CRYBG3: variants seen among roughly 807,000 people sequenced by gnomAD.
CRYBG3 encodes the protein crystallin beta-gamma domain containing 3.
A neutral mutation model predicts 244.2 loss-of-function variants in CRYBG3; 127 were observed. The observed-to-expected ratio is 0.52, with a 90% CI of 0.45 to 0.60. The LOEUF (loss-of-function observed/expected upper bound fraction) is 0.60, where lower values mean the gene tolerates loss of function less well. Ranked by LOEUF, CRYBG3 falls within the 20% of genes least tolerant of loss-of-function variation. CRYBG3 has a pLI of 0.00. For synonymous variants in CRYBG3, 1,132 were observed against 1,195.8 expected, an observed-to-expected ratio of 0.95 and a Z score of 1.10; for missense variants, 3,325 against 3,442.5, an observed-to-expected ratio of 0.97 and a Z score of 0.85.
At chr3:97,840,061 T>G (rs905134426) in intron 1 of CRYBG3, among the ~76,000 whole-genome samples, 3 of 152,046 alleles carry the variant, frequency 2.0e-5, no homozygotes, top group African/African-American at 7.2e-5. Context: ...TATTGCTGCA[T>G]GCAGTGAGAG....
chr3:97,894,913 C>T (rs894133077), intron 11 of CRYBG3, among the ~76,000 whole-genome samples: 12 of 152,036 alleles, frequency 7.9e-5, no homozygotes, highest in African/African-American at 2.4e-4. Context: ...TCTGCCCCAC[C>T]GTCATACCTA....
chr3:97,910,456 C>T (rs145820583), intron 15 of CRYBG3, among the ~76,000 whole-genome samples: 36 of 152,318 alleles, frequency 2.4e-4, no homozygotes, highest in African/African-American at 7.7e-4. Flanking sequence ...CGTGGTGTAC[C>T]GTTTTTTAAG....
At chr3:97,869,429 G>A (rs1038675267) in intron 3 of CRYBG3, among the ~76,000 whole-genome samples, 1 of 152,068 alleles carries the variant, frequency 6.6e-6, no homozygotes, top group Non-Finnish European at 1.5e-5. Flanking sequence ...TCATATGTAA[G>A]AACAGAATTT....
chr3:97,934,878 G>C (rs113926093), intron 18 of CRYBG3, among the ~76,000 whole-genome samples: 3 of 152,138 alleles, frequency 2.0e-5, no homozygotes, highest in African/African-American at 7.2e-5. Context: ...CCATTTCTGA[G>C]TGAAATTGAT....
rs143636494 is a variant in CRYBG3 at position 97,904,165 on chromosome 3, C to T, written c.8004+3680C>T. On this transcript the variant is annotated intron_variant, in intron 15 of 21. Coordinates refer to ENST00000389622, the MANE Select transcript of CRYBG3 (RefSeq NM_153605.4). ...ACCACAAGTTAATTATTATAATCAG[C>T]AAGCTCAGAGTTGGTTTCTCTATGG... Among the ~76,000 whole-genome samples the T allele has an allele frequency of 5.9e-5, 9 of 152,250 alleles. 1 individual carries two copies. Among genetic ancestry groups the T allele is most frequent in the African/African-American group, 2.2e-4 (9 of 41,544 alleles).
At chr3:97,860,629 G>A (rs1362338974) in intron 2 of CRYBG3, among the ~76,000 whole-genome samples, 2 of 152,082 alleles carry the variant, frequency 1.3e-5, no homozygotes, top group African/African-American at 4.8e-5. Context: ...AGACTAGTGA[G>A]GAAGATAGTC....
At chr3:97,868,324 A>C (rs970501958) in intron 3 of CRYBG3, among the ~76,000 whole-genome samples, 5 of 151,998 alleles carry the variant, frequency 3.3e-5, no homozygotes, top group Non-Finnish European at 7.4e-5. Context: ...TGTGGACTCA[A>C]CTATACTCCA....
At chr3:97,912,030 T>A (rs2039878360) in intron 15 of CRYBG3, 137 bp from the exon 16 acceptor site, 1 of 464,578 alleles carries the variant, frequency 2.2e-6, no homozygotes, top group African/African-American at 2.0e-5. Flanking sequence ...CTAACATGAA[T>A]TCATTGATAA....
At chr3:97,896,106 T>A (rs997892435) in intron 12 of CRYBG3, 21 bp downstream of exon 12, 15 of 1,583,908 alleles carry the variant, frequency 9.5e-6, no homozygotes, top group Non-Finnish European at 1.3e-5. Flanking sequence ...TTCCTTATCC[T>A]TAATTTTCTA....
In CRYBG3 at chr3:97,892,872, G is replaced by GA; in HGVS notation, c.7458dup (p.Pro2487ThrfsTer8). 1 of 1,481,842 alleles carries GA rather than the reference G, an allele frequency of 6.7e-7. No individual in the cohort carries two copies. Among genetic ancestry groups the GA allele is most frequent in the East Asian group, 2.4e-5 (1 of 42,074 alleles). 91.8% of individuals were successfully genotyped at this position (1,481,842 alleles called of 1,614,324 possible). ...AATAATTTTTCAGGTTATTATTTAT[G>GA]AAAAACCTCACTTCCATGGACAGGC... On this transcript the variant is annotated frameshift_variant, in exon 11 of 22. Coordinates refer to ENST00000389622, the MANE Select transcript of CRYBG3 (RefSeq NM_153605.4). LOFTEE classifies it high-confidence loss of function.
At chr3:97,901,589 T>C (rs1021134157) in intron 15 of CRYBG3, among the ~76,000 whole-genome samples, 1 of 152,228 alleles carries the variant, frequency 6.6e-6, no homozygotes, top group African/African-American at 2.4e-5. Flanking sequence ...ATGTTGAAAT[T>C]TTGAAAACTC....
At chr3:97,843,077 G>A (rs2038845484) in intron 1 of CRYBG3, 118 bp from the exon 2 acceptor site, 1 of 607,172 alleles carries the variant, frequency 1.6e-6, no homozygotes, top group Non-Finnish European at 2.9e-6. Flanking sequence ...ATAACATGGT[G>A]TATCAATCTT....
At chr3:97,908,998 C>T (rs1246057102) in intron 15 of CRYBG3, among the ~76,000 whole-genome samples, 2 of 151,906 alleles carry the variant, frequency 1.3e-5, no homozygotes, top group Admixed American at 6.6e-5. Flanking sequence ...ATTTCTCCTT[C>T]ACTTATGAAG....
intron 2 of CRYBG3, among the ~76,000 whole-genome samples, chr3:97,843,943 G>A (rs2038860145): frequency 6.6e-6 from 1 of 152,106 alleles, no homozygotes; most frequent in Non-Finnish European, 1.5e-5. Context: ...GGTCCCAGTT[G>A]CTTTCTTTTC....
intron 7 of CRYBG3, among the ~76,000 whole-genome samples, chr3:97,883,567 A>T (rs1023440245): frequency 2.6e-5 from 4 of 152,082 alleles, no homozygotes; most frequent in African/African-American, 9.7e-5. Flanking sequence ...CACGTCCACC[A>T]TTTGCTTAGA....
Position 97,864,212 on chromosome 3 carries a change from C to A in CRYBG3, c.217-5C>A. ...TGCTTATGATTGTCTATTTTGTTTT[C>A]AAAGATTCGCCAAAGTGAGGACAAA... On this transcript the variant is annotated splice_polypyrimidine_tract_variant and splice_region_variant and intron_variant, in intron 2 of 21. Coordinates refer to ENST00000389622, the MANE Select transcript of CRYBG3 (RefSeq NM_153605.4). 1 of 1,476,356 alleles carries A rather than the reference C, an allele frequency of 6.8e-7. No individual in the cohort carries two copies. Among genetic ancestry groups the A allele is most frequent in the South Asian group, 1.4e-5 (1 of 73,584 alleles). The allele number at this position is 1,476,356 out of a possible 1,614,324, so 91.5% of individuals were successfully genotyped here.
Position 97,943,785 on chromosome 3 carries a change from C to T in CRYBG3, c.*471C>T, listed in dbSNP as rs1340279630. 6.5e-6 allele frequency: 1 copy of T among 153,872 alleles called. No homozygotes were observed. Among genetic ancestry groups the T allele is most frequent in the Non-Finnish European group, 1.4e-5 (1 of 69,562 alleles). The allele number at this position is 153,872 out of a possible 1,614,324, so 9.5% of individuals were successfully genotyped here. The stretch of plus-strand genomic sequence containing the variant: ...ACAGATGAGTAATTTTTTAGCAACA[C>T]CTGAAAATATACTAAACTTTCCTAG... On this transcript the variant is annotated 3_prime_UTR_variant, in exon 22 of 22. Transcript: ENST00000389622.
At position 97,943,368 on chromosome 3, in the gene CRYBG3, C is replaced by T; in HGVS notation, c.*54C>T. The T allele has an allele frequency of 2.0e-6, 2 of 996,316 alleles. No homozygotes were observed. The highest frequency in any genetic ancestry group is 2.7e-5 in the South Asian group (2 of 73,614). The allele number at this position is 996,316 out of a possible 1,614,324, so 61.7% of individuals were successfully genotyped here. On this transcript the variant is annotated 3_prime_UTR_variant, in exon 22 of 22. Transcript: ENST00000389622. ...AGAAAGAGCAAAGAAGGAAACACAT[C>T]TGTCATTGTCTTGTGGACGTGGAAA...
intron 7 of CRYBG3, among the ~76,000 whole-genome samples, chr3:97,882,566 A>G (rs1001652662): frequency 3.3e-5 from 5 of 152,222 alleles, no homozygotes; most frequent in African/African-American, 1.2e-4. Context: ...CATCTTAGAT[A>G]AGGACAGAAT....
Sources: gnomAD v4.1 joint callset for allele counts (sites outside exome capture counted in the v4.1 genomes callset) on GRCh38, gnomAD v4.1.1 for gene constraint, MANE v1.5 for transcripts, NCBI Gene and HGNC (gene_info 2026-07-23, HGNC 2026-07-21) for gene names.